The following HS1BP3 variants were observed in gnomAD, a reference collection of about 807,000 sequenced individuals.
The protein encoded by HS1BP3 is HCLS1 binding protein 3, also known as HCLS1-binding protein 3.
HS1BP3 carries 32 observed loss-of-function variants against 33.5 expected under a neutral mutation model. That is an observed-to-expected ratio of 0.95 (90% CI 0.72 to 1.28). The LOEUF (loss-of-function observed/expected upper bound fraction) is 1.28. Among genes scored for constraint, HS1BP3 ranks in the 50% most tolerant of loss-of-function variants. The pLI is 0.00. For missense variants in HS1BP3, 486 were observed against 502.3 expected (o/e 0.97, Z 0.31); for synonymous variants, 187 against 209.2 (o/e 0.89, Z 0.92).
chr2:20,595,581 G>T (rs1693924101), intron 3 of HS1BP3, among the ~76,000 whole-genome samples: 3 of 152,330 alleles, frequency 2.0e-5, no homozygotes, highest in African/African-American at 7.2e-5. Context: ...GTGCCTGCCT[G>T]CCTGACTCTC....
chr2:20,613,487 G>T (rs1338961022), downstream of HS1BP3, among the ~76,000 whole-genome samples: 1 of 152,238 alleles, frequency 6.6e-6, no homozygotes, highest in Non-Finnish European at 1.5e-5. Flanking sequence ...CTCCAGAGGG[G>T]CACTGCTGGA....
At chr2:20,594,657 G>A (rs1205275949) in intron 3 of HS1BP3, among the ~76,000 whole-genome samples, 1 of 152,168 alleles carries the variant, frequency 6.6e-6, no homozygotes, top group Non-Finnish European at 1.5e-5. Flanking sequence ...CTGGAAGTGA[G>A]GTCCCCTATC....
At chr2:20,563,094 G>A (rs1396444609) in intron 5 of HS1BP3, among the ~76,000 whole-genome samples, 1 of 152,236 alleles carries the variant, frequency 6.6e-6, no homozygotes, top group Non-Finnish European at 1.5e-5. Context: ...CCTCAGTGCA[G>A]AGAGAGACTG....
At chr2:20,626,538 A>C (rs1355227216) in intron 4 of HS1BP3, among the ~76,000 whole-genome samples, 2 of 152,212 alleles carry the variant, frequency 1.3e-5, no homozygotes, top group African/African-American at 4.8e-5. Context: ...CCCATGAGGA[A>C]GGTGATATAG....
chr2:20,569,375 A>G (rs1693211883), intron 5 of HS1BP3, among the ~76,000 whole-genome samples: 4 of 152,158 alleles, frequency 2.6e-5, no homozygotes, highest in African/African-American at 9.7e-5. Flanking sequence ...GTCTGCTGTA[A>G]TTGGGCCTGT....
intron 4 of HS1BP3, among the ~76,000 whole-genome samples, chr2:20,630,777 G>A (rs1015657613): frequency 3.3e-5 from 5 of 152,304 alleles, no homozygotes; most frequent in African/African-American, 9.6e-5. Context: ...ATGGAAAAAC[G>A]AGCAGAGTCA....
chr2:20,565,182 G>A (rs1693095872), intron 5 of HS1BP3, among the ~76,000 whole-genome samples: 1 of 152,194 alleles, frequency 6.6e-6, no homozygotes, highest in Admixed American at 6.5e-5. Flanking sequence ...AGGAGGCCCA[G>A]AGCAGAGCTA....
chr2:20,582,820 C>A (rs762387026), intron 5 of HS1BP3, among the ~76,000 whole-genome samples: 1 of 152,176 alleles, frequency 6.6e-6, no homozygotes, highest in Admixed American at 6.5e-5. Flanking sequence ...CAGGAACAAA[C>A]GCCCACTGTG....
intron 4 of HS1BP3, among the ~76,000 whole-genome samples, chr2:20,633,341 C>T (rs1391650422): frequency 6.6e-6 from 1 of 152,204 alleles, no homozygotes; most frequent in African/African-American, 2.4e-5. Flanking sequence ...CTCACTTGTC[C>T]CAACCAGGGG....
At chr2:20,557,744 G>T (rs1457153956), downstream of HS1BP3, among the ~76,000 whole-genome samples, 1 of 152,210 alleles carries the variant, frequency 6.6e-6, no homozygotes, top group East Asian at 1.9e-4. Flanking sequence ...TGGATGCAGA[G>T]CTGCTGAGAA....
chr2:20,572,104 T>A (rs1693288477), intron 5 of HS1BP3, among the ~76,000 whole-genome samples: 1 of 152,220 alleles, frequency 6.6e-6, no homozygotes. Context: ...CTTTCCTTTC[T>A]GATGGCTCAA....
chr2:20,650,360 C>T (rs916536994), intron 1 of HS1BP3, among the ~76,000 whole-genome samples: 1 of 152,212 alleles, frequency 6.6e-6, no homozygotes, highest in African/African-American at 2.4e-5. Context: ...TTGCCAGGAT[C>T]CACCTTGGGC....
chr2:20,616,789 C>G (rs1694436051), downstream of HS1BP3, among the ~76,000 whole-genome samples: 1 of 152,112 alleles, frequency 6.6e-6, no homozygotes, highest in Non-Finnish European at 1.5e-5. Context: ...TGGTGGTCTG[C>G]CATCAGCCTA....
chr2:20,615,977 G>A (rs998342399), downstream of HS1BP3, among the ~76,000 whole-genome samples: 2 of 152,250 alleles, frequency 1.3e-5, no homozygotes, highest in Non-Finnish European at 2.9e-5. Context: ...GAAGGCCCTA[G>A]GGACTTTCCA....
intron 5 of HS1BP3, among the ~76,000 whole-genome samples, chr2:20,566,859 A>T (rs1693141132): frequency 6.6e-6 from 1 of 152,006 alleles, no homozygotes. Context: ...TGCCTGCCTC[A>T]GCCTCCCAAA....
At chr2:20,608,402 C>T (rs1694244741) in intron 2 of HS1BP3, among the ~76,000 whole-genome samples, 1 of 151,826 alleles carries the variant, frequency 6.6e-6, no homozygotes, top group African/African-American at 2.4e-5. Flanking sequence ...TGGTGAAACC[C>T]CGTCTCTACT....
chr2:20,601,215 C>T (rs1471369177), intron 2 of HS1BP3, among the ~76,000 whole-genome samples: 1 of 152,186 alleles, frequency 6.6e-6, no homozygotes, highest in Non-Finnish European at 1.5e-5. Flanking sequence ...GAGTTTGTAT[C>T]TGCACTAAGC....
At chr2:20,586,352 G>A (rs1485825228) in intron 5 of HS1BP3, 1 of 152,202 alleles carries the variant, frequency 6.6e-6, no homozygotes, top group African/African-American at 2.4e-5. Context: ...GAAGCTCAGG[G>A]CTTCCCCGTC....
chr2:20,557,390 C>G (rs1171955646), downstream of HS1BP3, among the ~76,000 whole-genome samples: 1 of 152,188 alleles, frequency 6.6e-6, no homozygotes, highest in Non-Finnish European at 1.5e-5. Flanking sequence ...CCTGGCTTGA[C>G]CCTCTATGGA....
Sources: allele counts gnomAD v4.1 joint callset (sites outside exome capture counted in the v4.1 genomes callset), GRCh38; gene constraint gnomAD v4.1.1; transcripts MANE v1.5; gene names NCBI Gene and HGNC (gene_info 2026-07-23, HGNC 2026-07-21).